Variants in DENND5B observed in about 807,000 individuals in gnomAD.
DENND5B encodes the protein DENN domain-containing protein 5B.
A neutral mutation model predicts 140.6 loss-of-function variants in DENND5B; 34 were observed. The ratio of observed to expected loss-of-function variants is 0.24; its 90% CI spans 0.18 to 0.32. DENND5B has a LOEUF of 0.32. DENND5B is among the 10% of genes least tolerant of loss of function. DENND5B has a pLI of 1.00. For missense variants in DENND5B, 1,142 were observed against 1,560.2 expected (o/e 0.73, Z 4.52); for synonymous variants, 551 against 562.1 (o/e 0.98, Z 0.28).
chr12:31,420,086 C>A, intron 11 of DENND5B: 1 of 983,726 alleles, frequency 1.0e-6, no homozygotes, highest in Non-Finnish European at 1.2e-6. Flanking sequence ...AGAACCTTGT[C>A]TGAAGGTGCA....
At chr12:31,445,115 G>A (rs1376466216) in intron 6 of DENND5B, among the ~76,000 whole-genome samples, 1 of 152,190 alleles carries the variant, frequency 6.6e-6, no homozygotes, top group African/African-American at 2.4e-5. Context: ...AACATTTGAA[G>A]GGAAAGAAAT....
Position 31,389,508 on chromosome 12 carries a change from A to T in DENND5B, c.3467-10T>A. The T allele has an allele frequency of 6.4e-7, 1 of 1,568,200 alleles. No individual in the cohort carries two copies. The highest frequency in any genetic ancestry group is 8.7e-7 in the Non-Finnish European group (1 of 1,155,298). On this transcript the variant is annotated splice_polypyrimidine_tract_variant and intron_variant, in intron 19 of 20. Transcript: ENST00000389082. ...TAAGCAACCACTTTCTCTGAGGAAAAAAGTCAGAATTATGTCACAATATGT... is the reference window on the plus strand; with the variant it reads ...TAAGCAACCACTTTCTCTGAGGAAATAAGTCAGAATTATGTCACAATATGT...
chr12:31,550,233 G>C (rs1426252490), intron 1 of DENND5B, among the ~76,000 whole-genome samples: 3 of 97,100 alleles, frequency 3.1e-5, no homozygotes, highest in Admixed American at 1.6e-4. Flanking sequence ...CCCCACAACA[G>C]TCCCCAGTGT....
In DENND5B at chr12:31,384,326, C is replaced by T. The variant is rs1250945918; in HGVS notation, c.*3277G>A. The stretch of plus-strand genomic sequence containing the variant: ...GTGTGTACTGCCATGCCCAACATGT[C>T]TTATTTCTTTATAACTGCACTTCTT... On this transcript the variant is annotated 3_prime_UTR_variant, in exon 21 of 21. Coordinates refer to ENST00000389082, the MANE Select transcript of DENND5B (RefSeq NM_144973.4). 1.3e-5 allele frequency: 2 copies of T among 152,174 alleles called. No individual in the cohort carries two copies. The highest frequency in any genetic ancestry group is 2.1e-4 in the South Asian group (1 of 4,830). The allele number at this position is 152,174 out of a possible 1,614,324, so 9.4% of individuals were successfully genotyped here. A position where few individuals can be genotyped will look rare whatever the true frequency, so the allele number is the denominator to read the frequency against.
intron 1 of DENND5B, among the ~76,000 whole-genome samples, chr12:31,554,099 T>C (rs1353523563): frequency 1.3e-5 from 2 of 152,228 alleles, no homozygotes; most frequent in Admixed American, 6.5e-5. Context: ...AATTTGATCC[T>C]GTCATTATGA....
At chr12:31,546,155 C>T (rs1565682472) in intron 1 of DENND5B, among the ~76,000 whole-genome samples, 1 of 151,656 alleles carries the variant, frequency 6.6e-6, no homozygotes, top group African/African-American at 2.4e-5. Context: ...AAATTAGAAA[C>T]TATATATATA....
chr12:31,474,202 G>A (rs1212607003), intron 3 of DENND5B, among the ~76,000 whole-genome samples: 1 of 152,182 alleles, frequency 6.6e-6, no homozygotes, highest in Non-Finnish European at 1.5e-5. Context: ...GTGTGGTGTG[G>A]GTAGTGGTTT....
At chr12:31,499,483 CAT>C in intron 1 of DENND5B, 1 of 671,580 alleles carries the variant, frequency 1.5e-6, no homozygotes, top group Non-Finnish European at 2.1e-6. Context: ...AGAAGAGAAA[CAT>C]AAAATAACAT....
chr12:31,423,470 A>G (rs1943113882), intron 11 of DENND5B, 127 bp downstream of exon 11: 2 of 940,818 alleles, frequency 2.1e-6, no homozygotes, highest in Admixed American at 2.4e-5. Context: ...TGCTCCTTCT[A>G]CTTTATCCCA....
Position 31,413,457 on chromosome 12 carries a change from A to C in DENND5B, c.2660T>G (p.Leu887Arg). The change falls in exon 13 of 21, where the codon CTT becomes CGT. Residue 887 changes from leucine to arginine, a missense_variant. This residue lies in a region of DENND5B where 268 missense variants were observed against 349.2 expected (regional missense o/e 0.77). Coordinates refer to ENST00000389082, the MANE Select transcript of DENND5B (RefSeq NM_144973.4). ...TTACTTGGTGAGTGGTTGGTTAGAA[A>C]GCAACTGCTTAAGATGCTGGGACAA... ...KLLSQHLKQL[L>R]SNQPLTKKLY... 1 of 1,613,574 alleles carries C rather than the reference A, an allele frequency of 6.2e-7. No homozygotes were observed. Among genetic ancestry groups the C allele is most frequent in the Non-Finnish European group, 8.5e-7 (1 of 1,179,622 alleles).
At chr12:31,485,248 T>C (rs71455668) in intron 2 of DENND5B, among the ~76,000 whole-genome samples, 20,279 of 152,270 alleles carry the variant, frequency 0.13, 1,608 homozygotes, top group Non-Finnish European at 0.18. Context: ...CGAATTGGGC[T>C]ATGCAGTCAT....
At position 31,383,417 on chromosome 12, in the gene DENND5B, G is replaced by A. The variant is rs543945721; in HGVS notation, c.*4186C>T. The stretch of plus-strand genomic sequence containing the variant: ...ATAACAGTGCTTTATTGCCAAAAAA[G>A]GAAATATGAGCAGTTCAGTATTTCC... On this transcript the variant is annotated 3_prime_UTR_variant, in exon 21 of 21. Transcript: ENST00000389082. 5 of 152,124 alleles carry A rather than the reference G, an allele frequency of 3.3e-5. No homozygotes were observed. Among genetic ancestry groups the A allele is most frequent in the Non-Finnish European group, 7.4e-5 (5 of 67,984 alleles). 9.4% of individuals were successfully genotyped at this position (152,124 alleles called of 1,614,324 possible).
At chr12:31,556,133 C>T (rs759413492) in intron 1 of DENND5B, among the ~76,000 whole-genome samples, 2 of 152,216 alleles carry the variant, frequency 1.3e-5, no homozygotes, top group Non-Finnish European at 2.9e-5. Flanking sequence ...AGAAATCACC[C>T]GTCTTCTGCG....
At chr12:31,524,752 G>A (rs1287500660) in intron 1 of DENND5B, among the ~76,000 whole-genome samples, 1 of 152,014 alleles carries the variant, frequency 6.6e-6, no homozygotes, top group Non-Finnish European at 1.5e-5. Flanking sequence ...GGTAAGCTTA[G>A]GATAAGCAGA....
At chr12:31,448,430 C>T (rs1185517599) in intron 5 of DENND5B, among the ~76,000 whole-genome samples, 3 of 152,142 alleles carry the variant, frequency 2.0e-5, no homozygotes, top group Admixed American at 1.3e-4. Context: ...CCACCGCGCC[C>T]AGCTACAAGT....
Position 31,402,507 on chromosome 12 carries a change from C to A in DENND5B, c.2940G>T (p.Met980Ile). The A allele has an allele frequency of 6.2e-7, 1 of 1,613,330 alleles. No homozygotes were observed. The highest frequency in any genetic ancestry group is 1.1e-5 in the South Asian group (1 of 90,832). The change falls in exon 15 of 21, where the codon ATG becomes ATT. Residue 980 changes from methionine to isoleucine, a missense_variant. Coordinates refer to ENST00000389082, the MANE Select transcript of DENND5B (RefSeq NM_144973.4). Reference sequence around the variant, plus strand: ...TATTAGCTGAACCTACCTCAAAGGTCATTTCGAGGAGGTTTTTGGGAATCT... The same window carrying A: ...TATTAGCTGAACCTACCTCAAAGGTAATTTCGAGGAGGTTTTTGGGAATCT... ...VMQIPKNLLE[M>I]TFECQNLGKL... is the part of the protein sequence containing the mutation.
At chr12:31,509,467 T>A (rs1947327803) in intron 1 of DENND5B, among the ~76,000 whole-genome samples, 1 of 152,182 alleles carries the variant, frequency 6.6e-6, no homozygotes, top group East Asian at 1.9e-4. Flanking sequence ...GGAGGACTGC[T>A]TGAGCCCAGG....
intron 1 of DENND5B, among the ~76,000 whole-genome samples, chr12:31,515,022 C>A (rs1947573529): frequency 6.6e-6 from 1 of 152,068 alleles, no homozygotes; most frequent in African/African-American, 2.4e-5. Context: ...ACTCAAGGGA[C>A]TGAAGTGAAA....
At chr12:31,565,461 C>T (rs754689337) in intron 1 of DENND5B, among the ~76,000 whole-genome samples, 4 of 152,284 alleles carry the variant, frequency 2.6e-5, no homozygotes, top group East Asian at 3.9e-4. Flanking sequence ...TGCCTCTGGT[C>T]GCTTACACGT....
Sources: allele counts gnomAD v4.1 joint callset (sites outside exome capture counted in the v4.1 genomes callset), GRCh38; gene constraint gnomAD v4.1.1; regional missense constraint gnomAD v4.1.1; transcripts MANE v1.5; gene names NCBI Gene and HGNC (gene_info 2026-07-23, HGNC 2026-07-21).